The following ARHGEF40 variants were observed in gnomAD, a reference collection of about 807,000 sequenced individuals.
ARHGEF40 encodes the protein Rho guanine nucleotide exchange factor 40, also known as Rho guanine nucleotide exchange factor (GEF) 40.
Under a neutral mutation model 165.9 loss-of-function variants are expected in ARHGEF40, and 98 were observed. The ratio of observed to expected loss-of-function variants is 0.59; its 90% CI spans 0.50 to 0.70. ARHGEF40 has a LOEUF of 0.70. Among genes scored for constraint, ARHGEF40 ranks in the 30% least tolerant of loss-of-function variants. The pLI is 0.00. For missense variants in ARHGEF40, 1,815 were observed against 1,968.0 expected, an observed-to-expected ratio of 0.92 and a Z score of 1.47; for synonymous variants, 792 against 814.3, an observed-to-expected ratio of 0.97 and a Z score of 0.47.
In ARHGEF40 at chr14:21,083,865, C is replaced by T. The variant is rs754364408; in HGVS notation, c.3604C>T (p.Arg1202Ter). 1.2e-6 allele frequency: 2 copies of T among 1,613,910 alleles called. No homozygotes were observed. Among genetic ancestry groups the T allele is most frequent in the Non-Finnish European group, 8.5e-7 (1 of 1,180,016 alleles). Residue 1202 changes from arginine (R) to a stop codon, truncating the protein, a stop_gained, in exon 17 of 24, where the codon CGA becomes TGA. Coordinates refer to ENST00000298694, the MANE Select transcript of ARHGEF40 (RefSeq NM_018071.5). LOFTEE classifies it high-confidence loss of function. Reference protein sequence around the residue: ...GSMEAGPYLPRALQQPLEQLT... With the variant: ...GSMEAGPYLP ...CATGGAGGCTGGCCCTTACCTGCCC[C>T]GAGCCCTGCAGCAGCCTCTGGAACA...
chr14:21,064,299 C>CTT, the ARHGEF40 span, among the ~76,000 whole-genome samples: 1 of 146,306 alleles, frequency 6.8e-6, no homozygotes, highest in Non-Finnish European at 1.5e-5. Context: ...CACTTGATGC[C>CTT]TTTTTTTTTT....
At chr14:21,066,558 T>C (rs1192804563), upstream of ARHGEF40, among the ~76,000 whole-genome samples, 1 of 152,216 alleles carries the variant, frequency 6.6e-6, no homozygotes, top group African/African-American at 2.4e-5. Context: ...ATGGTGTTGC[T>C]CTCTTGACCA....
At chr14:21,069,355 C>T (rs1476192788), upstream of ARHGEF40, among the ~76,000 whole-genome samples, 1 of 152,230 alleles carries the variant, frequency 6.6e-6, no homozygotes, top group Non-Finnish European at 1.5e-5. Flanking sequence ...GGCCACGAGC[C>T]CTAGCGGCCC....
rs1222465661 is a variant in ARHGEF40, at chr14:21,072,762, C to T, written c.4-283C>T. On this transcript the variant is annotated intron_variant, in intron 1 of 23. Coordinates refer to ENST00000298694, the MANE Select transcript of ARHGEF40 (RefSeq NM_018071.5). The surrounding 1 kb of genome is among the most constrained non-coding windows in gnomAD (Gnocchi z 4.1). ...TGCAATCACCCCAACTCACGAGCAC[C>T]CGGAACAGCCCTGATCAGGGGCATT... Among the ~76,000 whole-genome samples, 2 of 152,174 alleles carry T rather than the reference C, an allele frequency of 1.3e-5. No individual in the cohort carries two copies. The highest frequency in any genetic ancestry group is 4.8e-5 in the African/African-American group (2 of 41,436).
intron 18 of ARHGEF40, 150 bp from the exon 19 acceptor site, chr14:21,085,539 C>G (rs1888264246): frequency 2.2e-6 from 2 of 891,942 alleles, no homozygotes; most frequent in African/African-American, 3.4e-5. Flanking sequence ...GTTACGAAGA[C>G]TAAACGTAGA....
the ARHGEF40 span, among the ~76,000 whole-genome samples, chr14:21,064,516 C>T: frequency 6.6e-6 from 1 of 152,050 alleles, no homozygotes; most frequent in Non-Finnish European, 1.5e-5. Flanking sequence ...TGGCCAGGCT[C>T]GTCTTGAACT....
upstream of ARHGEF40, among the ~76,000 whole-genome samples, chr14:21,068,174 T>C (rs1438859765): frequency 6.1e-5 from 3 of 48,952 alleles, 1 homozygote; most frequent in African/African-American, 1.3e-4. Flanking sequence ...TAATTTTTTG[T>C]ATTTTTAGTA....
Position 21,074,211 on chromosome 14 carries a change from C to T in ARHGEF40, c.481C>T (p.Arg161Cys), listed in dbSNP as rs897055357. 1.4e-5 allele frequency: 22 copies of T among 1,614,158 alleles called. No individual in the cohort carries two copies. The highest frequency in any genetic ancestry group is 2.2e-5 in the East Asian group (1 of 44,886). ...CATCAACAAGGACCGGCCAACAGGT[C>T]GCCTCAGTACCTGCCTACTGTCTGC... ...QGINKDRPTGRLSTCLLSAPS... is the reference protein window; with the variant it reads ...QGINKDRPTGCLSTCLLSAPS... The change falls in exon 3 of 24, where the codon CGC becomes TGC. Residue 161 changes from arginine to cysteine, a missense_variant. Coordinates refer to ENST00000298694, the MANE Select transcript of ARHGEF40 (RefSeq NM_018071.5). The surrounding 1 kb of genome is among the most constrained non-coding windows in gnomAD (Gnocchi z 4.8).
chr14:21,068,297 C>T (rs867738266), upstream of ARHGEF40, among the ~76,000 whole-genome samples: 2 of 12,270 alleles, frequency 1.6e-4, 1 homozygote, highest in African/African-American at 2.3e-4. Context: ...CCGCGCCCGG[C>T]CGGCTCCCCT....
At chr14:21,066,797 G>A (rs900847841), upstream of ARHGEF40, among the ~76,000 whole-genome samples, 1 of 152,180 alleles carries the variant, frequency 6.6e-6, no homozygotes, top group Non-Finnish European at 1.5e-5. Flanking sequence ...AAGACAAGTT[G>A]TTAATTTTTG....
the ARHGEF40 span, among the ~76,000 whole-genome samples, chr14:21,061,608 A>G: frequency 3.9e-5 from 6 of 152,238 alleles, no homozygotes; most frequent in Non-Finnish European, 8.8e-5. Context: ...TTTCCAAAAA[A>G]TCACTTGAGA....
Position 21,075,035 on chromosome 14 carries a change from T to C in ARHGEF40, c.1305T>C (p.Tyr435=), listed in dbSNP as rs1201897316. The change falls in exon 3 of 24, where the codon TAT becomes TAC. Residue 435 remains tyrosine (Y), a synonymous_variant. Coordinates refer to ENST00000298694, the MANE Select transcript of ARHGEF40 (RefSeq NM_018071.5). This position sits in a 1 kb window ranked among gnomAD's most constrained non-coding sequence, Gnocchi z 4.5. Reference sequence around the variant, plus strand: ...AATGCCACCTGGTTAAGGAGGAATATGAAGGCTCAGGGAAGCCAGAATCTG... The same window carrying C: ...AATGCCACCTGGTTAAGGAGGAATACGAAGGCTCAGGGAAGCCAGAATCTG... The part of the protein sequence containing the change: ...LPECHLVKEE[Y]EGSGKPESEP... 1 of 1,613,786 alleles carries C rather than the reference T, an allele frequency of 6.2e-7. No homozygotes were observed. Among genetic ancestry groups the C allele is most frequent in the Admixed American group, 1.7e-5 (1 of 60,010 alleles).
chr14:21,073,481 CT>C lies in ARHGEF40; in HGVS notation c.201+241del, dbSNP rs1887146253. Among the ~76,000 whole-genome samples the C allele has an allele frequency of 6.6e-6, 1 of 152,012 alleles. No homozygotes were observed. Among genetic ancestry groups the C allele is most frequent in the East Asian group, 1.9e-4 (1 of 5,188 alleles). ...ACACATTCATCTTCCCCAAATTCAT[CT>C]TGACCCCAATACTGACCCCCAAAGA... On this transcript the variant is annotated intron_variant, in intron 2 of 23. Coordinates refer to ENST00000298694, the MANE Select transcript of ARHGEF40 (RefSeq NM_018071.5). This position sits in a 1 kb window ranked among gnomAD's most constrained non-coding sequence, Gnocchi z 4.6.
At chr14:21,077,104 AATT>A (rs1045878206) in intron 8 of ARHGEF40, among the ~76,000 whole-genome samples, 2 of 152,000 alleles carry the variant, frequency 1.3e-5, no homozygotes, top group African/African-American at 4.8e-5. Flanking sequence ...GAGTATGATA[AATT>A]ATTATAATTA....
Position 21,074,770 on chromosome 14 carries a change from C to T in ARHGEF40, c.1040C>T (p.Ser347Phe). The change falls in exon 3 of 24, where the codon TCT (serine) becomes TTT (phenylalanine). Residue 347 changes from serine to phenylalanine, a missense_variant. Coordinates refer to ENST00000298694, the MANE Select transcript of ARHGEF40 (RefSeq NM_018071.5). The surrounding 1 kb of genome is among the most constrained non-coding windows in gnomAD (Gnocchi z 4.8). ...PAEAVGEASG[S>F]CPLRPGELRG... Reference sequence around the variant, plus strand: ...GAGGCTGTGGGAGAAGCCTCCGGATCTTGCCCCCTGAGGCCAGGGGAGCTT... The same window carrying T: ...GAGGCTGTGGGAGAAGCCTCCGGATTTTGCCCCCTGAGGCCAGGGGAGCTT... The T allele has an allele frequency of 6.2e-7, 1 of 1,610,172 alleles. No individual in the cohort carries two copies.
chr14:21,074,687 C>T lies in ARHGEF40; in HGVS notation c.957C>T (p.Pro319=). Residue 319 remains proline (P), a synonymous_variant, in exon 3 of 24, where the codon CCC becomes CCT. Coordinates refer to ENST00000298694, the MANE Select transcript of ARHGEF40 (RefSeq NM_018071.5). This position sits in a 1 kb window ranked among gnomAD's most constrained non-coding sequence, Gnocchi z 4.8. ...GCACCGGAGCCTCCCCTGAGTCTCC[C>T]CCAGGAGCTGAGGCTGTCCCAGAGG... ...GSSTGASPES[P]PGAEAVPEAA... is the part of the protein sequence containing the mutation. The T allele has an allele frequency of 6.3e-7, 1 of 1,581,462 alleles. No homozygotes were observed.
At chr14:21,087,595 A>T in intron 21 of ARHGEF40, 132 bp downstream of exon 21, 3 of 1,318,922 alleles carry the variant, frequency 2.3e-6, no homozygotes, top group Non-Finnish European at 3.1e-6. Flanking sequence ...CAGCTTCCCC[A>T]CCGCTAAAAG....
the ARHGEF40 span, among the ~76,000 whole-genome samples, chr14:21,063,041 G>C: frequency 4.0e-5 from 6 of 151,786 alleles, no homozygotes; most frequent in South Asian, 1.2e-3. Flanking sequence ...GAAGTGGGAG[G>C]ATTGCTTGAG....
chr14:21,084,346 C>A (rs1337953991), intron 17 of ARHGEF40, among the ~76,000 whole-genome samples: 4 of 152,210 alleles, frequency 2.6e-5, no homozygotes, highest in African/African-American at 9.6e-5. Flanking sequence ...TCCTGCACCT[C>A]AACACCCAAC....
Sources: allele counts gnomAD v4.1 joint callset (sites outside exome capture counted in the v4.1 genomes callset), GRCh38; gene constraint gnomAD v4.1.1; non-coding constraint Gnocchi (gnomAD v3.1); transcripts MANE v1.5; gene names NCBI Gene and HGNC (gene_info 2026-07-23, HGNC 2026-07-21).